MED13L: variants seen among roughly 807,000 people sequenced by gnomAD.
MED13L encodes mediator complex subunit 13L.
Under a neutral mutation model 220.9 loss-of-function variants are expected in MED13L, and 7 were observed. The observed-to-expected ratio is 0.03, with a 90% CI of 0.02 to 0.06. MED13L has a LOEUF of 0.06. Among genes scored for constraint, MED13L ranks in the 10% least tolerant of loss-of-function variants. The pLI, the probability that MED13L is intolerant of heterozygous loss-of-function variation, is 1.00. For missense variants in MED13L, 1,965 were observed against 2,760.5 expected (o/e 0.71, Z 6.46); for synonymous variants, 1,011 against 1,015.2 (o/e 1.00, Z 0.08).
At chr12:116,002,865 AG>A in intron 14 of MED13L, 137 bp downstream of exon 14, 1 of 729,578 alleles carries the variant, frequency 1.4e-6, no homozygotes, top group Non-Finnish European at 2.4e-6. Flanking sequence ...CAATTTATAT[AG>A]GTTTTAATTC....
intron 2 of MED13L, among the ~76,000 whole-genome samples, chr12:116,120,016 A>G (rs1377529570): frequency 6.6e-6 from 1 of 151,734 alleles, no homozygotes; most frequent in African/African-American, 2.4e-5. Context: ...CCTCAAGGGG[A>G]AGCAATTTAT....
chr12:116,246,446 C>T (rs1871104402), intron 1 of MED13L, among the ~76,000 whole-genome samples: 1 of 151,858 alleles, frequency 6.6e-6, no homozygotes, highest in Admixed American at 6.6e-5. Flanking sequence ...ACTAATAAAA[C>T]ACCTGATACA....
chr12:116,248,105 G>A (rs924150705), intron 1 of MED13L, among the ~76,000 whole-genome samples: 2 of 152,132 alleles, frequency 1.3e-5, no homozygotes, highest in Non-Finnish European at 2.9e-5. Flanking sequence ...CTATCTAGCC[G>A]CACATTCAAT....
intron 2 of MED13L, among the ~76,000 whole-genome samples, chr12:116,200,265 GGCC>G (rs1881928449): frequency 6.6e-6 from 1 of 151,662 alleles, no homozygotes; most frequent in Non-Finnish European, 1.5e-5. Context: ...AAGTAATAAT[GGCC>G]ACACTGCAGT....
chr12:116,196,474 CAT>C (rs1404838849), intron 2 of MED13L, among the ~76,000 whole-genome samples: 4 of 151,964 alleles, frequency 2.6e-5, no homozygotes, highest in African/African-American at 9.7e-5. Context: ...AGAAATGACA[CAT>C]GAGATAAGAG....
intron 10 of MED13L, 153 bp downstream of exon 10, chr12:116,008,248 G>C: frequency 6.5e-6 from 7 of 1,080,098 alleles, no homozygotes; most frequent in Non-Finnish European, 9.1e-6. Context: ...GTAGGACAAA[G>C]CATTTGACCA....
rs1348809653 is a variant in MED13L at position 115,987,835 on chromosome 12, C to T, written c.3935-547G>A. The stretch of plus-strand genomic sequence containing the variant: ...GAAACACAGCTGAAGCCCTCAAGGA[C>T]CGAAGTCCGCTGCAGGCACGGATGG... On this transcript the variant is annotated intron_variant, in intron 17 of 30. Coordinates refer to ENST00000281928, the MANE Select transcript of MED13L (RefSeq NM_015335.5). 2.0e-5 allele frequency among the ~76,000 whole-genome samples: 3 copies of T among 152,314 alleles called. No individual in the cohort carries two copies. The East Asian group carries it at 5.8e-4, about 29-fold the overall frequency.
intron 8 of MED13L, among the ~76,000 whole-genome samples, chr12:116,014,664 A>C (rs1879615642): frequency 6.6e-6 from 1 of 152,202 alleles, no homozygotes; most frequent in Non-Finnish European, 1.5e-5. Context: ...TCCAACTGTC[A>C]TCAGTCTAGT....
At chr12:116,105,110 T>C (rs1055508097) in intron 3 of MED13L, among the ~76,000 whole-genome samples, 36 of 152,194 alleles carry the variant, frequency 2.4e-4, no homozygotes, top group Non-Finnish European at 4.4e-5. Flanking sequence ...AAATGCCAAA[T>C]GAAGAAACTC....
In MED13L at chr12:116,006,339, C is replaced by T; in HGVS notation, c.2311G>A (p.Ala771Thr). 6.2e-7 allele frequency: 1 copy of T among 1,613,992 alleles called. No homozygotes were observed. Among genetic ancestry groups the T allele is most frequent in the Middle Eastern group, 1.7e-4 (1 of 6,060 alleles). Reference protein sequence around the residue: ...HSTPVPDGKNAMSIFSSATKT... With the variant: ...HSTPVPDGKNTMSIFSSATKT... ...GTAGCAGAACTGAAAATAGACATGGCATTTTTCCCATCAGGCACCGGCGTG... is the reference window on the plus strand; with the variant it reads ...GTAGCAGAACTGAAAATAGACATGGTATTTTTCCCATCAGGCACCGGCGTG... Residue 771 changes from alanine (A) to threonine (T), a missense_variant, in exon 12 of 31, where the codon GCC (alanine) becomes ACC (threonine). By Grantham distance (58) the Ala-to-Thr change is moderately conservative. This residue lies in a region of MED13L where 818 missense variants were observed against 1,041.2 expected (regional missense o/e 0.79). Coordinates refer to ENST00000281928, the MANE Select transcript of MED13L (RefSeq NM_015335.5).
chr12:116,229,337 G>A (rs1309535835), intron 2 of MED13L, among the ~76,000 whole-genome samples: 1 of 152,020 alleles, frequency 6.6e-6, no homozygotes, highest in East Asian at 1.9e-4. Context: ...TCATTTAAGA[G>A]GATTTTACTC....
chr12:116,159,158 C>G (rs1330607824), intron 2 of MED13L, among the ~76,000 whole-genome samples: 2 of 152,142 alleles, frequency 1.3e-5, no homozygotes, highest in Non-Finnish European at 2.9e-5. Flanking sequence ...CGACAGTATT[C>G]TATTTATTTA....
chr12:116,010,704 A>G (rs562147656), intron 9 of MED13L, among the ~76,000 whole-genome samples: 71 of 152,202 alleles, frequency 4.7e-4, no homozygotes, highest in African/African-American at 1.6e-3. Context: ...ATCATGACTA[A>G]AAGAACAAGG....
chr12:116,213,490 C>A (rs1175922434), intron 2 of MED13L, among the ~76,000 whole-genome samples: 1 of 152,188 alleles, frequency 6.6e-6, no homozygotes, highest in Non-Finnish European at 1.5e-5. Context: ...CAGCTCACTG[C>A]AACCTCTGCC....
chr12:116,159,013 T>C (rs1237962244), intron 2 of MED13L, among the ~76,000 whole-genome samples: 1 of 152,134 alleles, frequency 6.6e-6, no homozygotes, highest in Non-Finnish European at 1.5e-5. Flanking sequence ...CTAGGGAAAC[T>C]GAAAAATATG....
chr12:115,984,301 A>C lies in MED13L; in HGVS notation c.4410T>G (p.Thr1470=). 1.2e-6 allele frequency: 2 copies of C among 1,614,096 alleles called. No individual in the cohort carries two copies. Among genetic ancestry groups the C allele is most frequent in the Non-Finnish European group, 1.7e-6 (2 of 1,180,006 alleles). ...GCTCATCTGTCAGCTTCTGTGCCAC[A>C]GTTTTTCCCACGCGCATGATCCCGT... ...LRDGIMRVGK[T]VAQKLTDELV... is the part of the protein sequence containing the mutation. Residue 1470 remains threonine, a synonymous_variant, in exon 20 of 31, where the codon ACT becomes ACG. Transcript: ENST00000281928.
At chr12:116,161,548 C>A (rs141806211) in intron 2 of MED13L, among the ~76,000 whole-genome samples, 20 of 152,116 alleles carry the variant, frequency 1.3e-4, no homozygotes, top group African/African-American at 4.6e-4. Flanking sequence ...AGGTGCTAGA[C>A]CCTGAGGATT....
At chr12:116,270,750 A>T (rs1873232930) in intron 1 of MED13L, among the ~76,000 whole-genome samples, 1 of 152,094 alleles carries the variant, frequency 6.6e-6, no homozygotes, top group Non-Finnish European at 1.5e-5. Flanking sequence ...ATACTATAAA[A>T]GAAAATTATC....
intron 4 of MED13L, among the ~76,000 whole-genome samples, chr12:116,072,950 G>A (rs1365669863): frequency 6.6e-6 from 1 of 152,070 alleles, no homozygotes; most frequent in East Asian, 1.9e-4. Flanking sequence ...GTCCACACTC[G>A]GATACTAGGA....
Sources: allele counts gnomAD v4.1 joint callset (sites outside exome capture counted in the v4.1 genomes callset), GRCh38; gene constraint gnomAD v4.1.1; regional missense constraint gnomAD v4.1.1; transcripts MANE v1.5; gene names NCBI Gene and HGNC (gene_info 2026-07-23, HGNC 2026-07-21).